The following TASOR2 variants were observed in gnomAD, a reference collection of about 807,000 sequenced individuals.
TASOR2 encodes the protein protein TASOR 2.
TASOR2 carries 84 observed loss-of-function variants against 199.5 expected under a neutral mutation model. The ratio of observed to expected loss-of-function variants is 0.42; its 90% CI spans 0.35 to 0.50. TASOR2 has a LOEUF of 0.50. Ranked by LOEUF, TASOR2 falls within the 20% of genes least tolerant of loss-of-function variation. TASOR2 has a pLI of 0.02. For synonymous variants in TASOR2, 1,103 were observed against 1,046.6 expected, an observed-to-expected ratio of 1.05 and a Z score of -1.04; for missense variants, 2,796 against 2,835.9, an observed-to-expected ratio of 0.99 and a Z score of 0.32.
rs1183983010 is a variant in TASOR2, at chr10:5,723,043, C to CTTTTTTTT, written c.147-615_147-608dup. Among the ~76,000 whole-genome samples the CTTTTTTTT allele has an allele frequency of 4.1e-5, 3 of 72,896 alleles. 1 individual carries two copies. Among genetic ancestry groups the CTTTTTTTT allele is most frequent in the Admixed American group, 2.2e-4 (1 of 4,630 alleles). 47.8% of individuals were successfully genotyped at this position (72,896 alleles called of 152,430 possible). On this transcript the variant is annotated intron_variant, in intron 6 of 20. Coordinates refer to ENST00000328090, the Ensembl canonical transcript of TASOR2. ...AAAGGAAAAAGTAGTCAGGAAATAACTTTTTTTTTTTTTTTTTTTTTTTTT... is the reference window on the plus strand; with the variant it reads ...AAAGGAAAAAGTAGTCAGGAAATAACTTTTTTTTTTTTTTTTTTTTTTTTTTTTTTTTT...
rs1588867707 is a variant in TASOR2 at position 5,746,061 on chromosome 10, A to C, written c.2758-118A>C. On this transcript the variant is annotated intron_variant, in intron 14 of 20. Coordinates refer to ENST00000328090, the Ensembl canonical transcript of TASOR2. Reference sequence around the variant, plus strand: ...TATTCTTTTAGCTAGAAAATTCAGAAGAACATTCACAAACTAAAATTAATT... The same window carrying C: ...TATTCTTTTAGCTAGAAAATTCAGACGAACATTCACAAACTAAAATTAATT... The C allele has an allele frequency of 2.6e-6, 3 of 1,176,424 alleles. No individual in the cohort carries two copies. The East Asian group carries it at 7.9e-5, about 31-fold the overall frequency. The allele number at this position is 1,176,424 out of a possible 1,614,324, so 72.9% of individuals were successfully genotyped here.
rs1837794417 is a variant in TASOR2, at chr10:5,701,177, G to C, written c.-287-11646G>C. On this transcript the variant is annotated intron_variant, in intron 1 of 20. Coordinates refer to ENST00000328090, the Ensembl canonical transcript of TASOR2. This position sits in a 1 kb window ranked among gnomAD's most constrained non-coding sequence, Gnocchi z 4.9. ...TTGATTTGAATTTTGTATATGGTCAGATTGTTTTGTTCTTCTGCATGTAGT... is the reference window on the plus strand; with the variant it reads ...TTGATTTGAATTTTGTATATGGTCACATTGTTTTGTTCTTCTGCATGTAGT... Among the ~76,000 whole-genome samples, 1 of 152,162 alleles carries C rather than the reference G, an allele frequency of 6.6e-6. No individual in the cohort carries two copies. The highest frequency in any genetic ancestry group is 2.4e-5 in the African/African-American group (1 of 41,538).
chr10:5,715,904 G>A (rs1832565934), intron 2 of TASOR2, among the ~76,000 whole-genome samples: 1 of 152,128 alleles, frequency 6.6e-6, no homozygotes, highest in Admixed American at 6.5e-5. Flanking sequence ...GCCTCCCAAA[G>A]TGCTGGGATT....
In TASOR2 at chr10:5,748,357, T is replaced by A; in HGVS notation, c.4936T>A (p.Ser1646Thr). The A allele has an allele frequency of 6.2e-7, 1 of 1,614,224 alleles. No homozygotes were observed. The highest frequency in any genetic ancestry group is 1.3e-5 in the African/African-American group (1 of 75,062). The change falls in exon 15 of 21, where the codon TCT (serine) becomes ACT (threonine). Residue 1646 changes from serine (S) to threonine (T), a missense_variant. Coordinates refer to ENST00000328090, the Ensembl canonical transcript of TASOR2. This position sits in a 1 kb window ranked among gnomAD's most constrained non-coding sequence, Gnocchi z 5.1. ...AGCTGCCTCGGTTGATGGAGCTTAT[T>A]CTACACAGGGATGCATGTGCTCAGT...
chr10:5,725,346 G>C lies in TASOR2; in HGVS notation c.351+813G>C, dbSNP rs1178326610. Among the ~76,000 whole-genome samples, 3 of 127,944 alleles carry C rather than the reference G, an allele frequency of 2.3e-5. No homozygotes were observed. The East Asian group carries it at 7.2e-4, about 31-fold the overall frequency. The allele number at this position is 127,944 out of a possible 152,430, so 83.9% of individuals were successfully genotyped here. A position where few individuals can be genotyped will look rare whatever the true frequency, so the allele number is the denominator to read the frequency against. On this transcript the variant is annotated intron_variant, in intron 8 of 20. Coordinates refer to ENST00000328090, the Ensembl canonical transcript of TASOR2. ...GCGGAGCTTGCAGTGAGCCTAGATC[G>C]CGCAGCTGCACTCCAGCCTGGGCGA...
intron 2 of TASOR2, among the ~76,000 whole-genome samples, chr10:5,714,886 G>A (rs1832409966): frequency 6.6e-6 from 1 of 152,126 alleles, no homozygotes; most frequent in Non-Finnish European, 1.5e-5. Context: ...AATATAGTTG[G>A]GAAAGGGATC....
At chr10:5,745,395 TTACTC>T (rs1260090959) in intron 14 of TASOR2, among the ~76,000 whole-genome samples, 1 of 152,200 alleles carries the variant, frequency 6.6e-6, no homozygotes, top group African/African-American at 2.4e-5. Context: ...AGTAATTAAT[TTACTC>T]TGTTGCCTCA....
chr10:5,726,117 A>G (rs1419624007), intron 8 of TASOR2, among the ~76,000 whole-genome samples: 1 of 152,206 alleles, frequency 6.6e-6, no homozygotes, highest in Admixed American at 6.5e-5. Context: ...AAATTATTGT[A>G]CTAATATTGG....
rs1316397854 is a variant in TASOR2, at chr10:5,719,202, C to G, written c.-99-1342C>G. On this transcript the variant is annotated intron_variant, in intron 3 of 20. Coordinates refer to ENST00000328090, the Ensembl canonical transcript of TASOR2. This position sits in a 1 kb window ranked among gnomAD's most constrained non-coding sequence, Gnocchi z 4.1. ...TTCTTCTTATAAAAATTAAAATTGC[C>G]TATAGTCCCATATCCCATTTTGATA... is the stretch of plus-strand genomic sequence containing the variant. 6.6e-6 allele frequency among the ~76,000 whole-genome samples: 1 copy of G among 152,092 alleles called. No individual in the cohort carries two copies. The highest frequency in any genetic ancestry group is 2.4e-5 in the African/African-American group (1 of 41,396).
chr10:5,710,795 A>G lies in TASOR2; in HGVS notation c.-287-2028A>G, dbSNP rs1217253066. Among the ~76,000 whole-genome samples the G allele has an allele frequency of 2.0e-5, 3 of 152,130 alleles. No individual in the cohort carries two copies. The highest frequency in any genetic ancestry group is 4.1e-4 in the South Asian group (2 of 4,834). ...CAAATATTGGTCTATAGGTAATTCA[A>G]TTTTGAAACTTTCTTGCTTTTTTAT... is the stretch of plus-strand genomic sequence containing the variant. On this transcript the variant is annotated intron_variant, in intron 1 of 20. Transcript: ENST00000328090. This position sits in a 1 kb window ranked among gnomAD's most constrained non-coding sequence, Gnocchi z 4.6.
chr10:5,720,940 C>T lies in TASOR2; in HGVS notation c.116C>T (p.Ser39Phe). ...ATGCTATGTGATATAGCTCTTTGGTCCACTTACGGTGCAATGATTCCAACA... is the reference window on the plus strand; with the variant it reads ...ATGCTATGTGATATAGCTCTTTGGTTCACTTACGGTGCAATGATTCCAACA... The change falls in exon 6 of 21, where the codon TCC (serine) becomes TTC (phenylalanine). Residue 39 changes from serine (S) to phenylalanine (F), a missense_variant. Physicochemically the swap from Ser to Phe is radical, Grantham distance 155 (BLOSUM62 -2). This residue lies in a region of TASOR2 where 847 missense variants were observed against 887.4 expected (regional missense o/e 0.95). Coordinates refer to ENST00000328090, the Ensembl canonical transcript of TASOR2. The surrounding 1 kb of genome is among the most constrained non-coding windows in gnomAD (Gnocchi z 5.3). 6.2e-7 allele frequency: 1 copy of T among 1,613,112 alleles called. No individual in the cohort carries two copies. Among genetic ancestry groups the T allele is most frequent in the East Asian group, 2.2e-5 (1 of 44,832 alleles).
intron 1 of TASOR2, among the ~76,000 whole-genome samples, chr10:5,693,266 T>TGTGCC (rs759589450): frequency 6.6e-6 from 1 of 152,218 alleles, no homozygotes; most frequent in Non-Finnish European, 1.5e-5. Flanking sequence ...TAGTTGTGTG[T>TGTGCC]GTGCCTATGT....
rs1177682554 is a variant in TASOR2 at position 5,722,065 on chromosome 10, C to T, written c.146+1095C>T. Among the ~76,000 whole-genome samples, 3 of 152,110 alleles carry T rather than the reference C, an allele frequency of 2.0e-5. No individual in the cohort carries two copies. The highest frequency in any genetic ancestry group is 4.8e-5 in the African/African-American group (2 of 41,412). On this transcript the variant is annotated intron_variant, in intron 6 of 20. Coordinates refer to ENST00000328090, the Ensembl canonical transcript of TASOR2. This position sits in a 1 kb window ranked among gnomAD's most constrained non-coding sequence, Gnocchi z 4.0. Reference sequence around the variant, plus strand: ...TTTTTTGTGAAGGAACTTAGTGAGACAGTTGGCAGCATTTGAATAAGATGT... The same window carrying T: ...TTTTTTGTGAAGGAACTTAGTGAGATAGTTGGCAGCATTTGAATAAGATGT...
intron 10 of TASOR2, among the ~76,000 whole-genome samples, chr10:5,728,808 G>T (rs1301986728): frequency 6.6e-6 from 1 of 152,082 alleles, no homozygotes; most frequent in Non-Finnish European, 1.5e-5. Context: ...CATAAAATAA[G>T]TACTCCTATA....
chr10:5,711,487 G>A (rs778270992), intron 1 of TASOR2, among the ~76,000 whole-genome samples: 20 of 152,060 alleles, frequency 1.3e-4, no homozygotes, highest in Admixed American at 3.3e-4. Flanking sequence ...TACTAGGTTT[G>A]TAAAACCCCC....
chr10:5,728,618 TAAAAAA>T (rs890855834), intron 10 of TASOR2, among the ~76,000 whole-genome samples: 1 of 144,822 alleles, frequency 6.9e-6, no homozygotes. Flanking sequence ...TCAAAAAAAT[TAAAAAA>T]AAAAACAAAA....
Position 5,736,643 on chromosome 10 carries a change from C to T in TASOR2, c.1447+1097C>T, listed in dbSNP as rs375062442. Among the ~76,000 whole-genome samples the T allele has an allele frequency of 5.3e-5, 8 of 152,286 alleles. No homozygotes were observed. The East Asian group carries it at 1.5e-3, about 29-fold the overall frequency. On this transcript the variant is annotated intron_variant, in intron 12 of 20. Coordinates refer to ENST00000328090, the Ensembl canonical transcript of TASOR2. ...GCTTAAGTAAAGAATCAAGTTTAGT[C>T]ACATGAACTGCTCCAGTTTTGTATT...
intron 8 of TASOR2, 125 bp downstream of exon 9, chr10:5,724,658 GATAT>G (rs1833818839): frequency 5.4e-6 from 1 of 185,686 alleles, no homozygotes; most frequent in East Asian, 1.5e-4. Context: ...GATAGATATA[GATAT>G]AGATATATAG....
In TASOR2 at chr10:5,730,797, C is replaced by T. The variant is rs762752242; in HGVS notation, c.798C>T (p.Asp266=). Residue 266 remains aspartate, a synonymous_variant, in exon 11 of 21, where the codon GAC becomes GAT. Transcript: ENST00000328090. This position sits in a 1 kb window ranked among gnomAD's most constrained non-coding sequence, Gnocchi z 4.1. ...CTCAGTTGAACTCTTATTTTTCAGA[C>T]CCTAGTGCTTACATTTTGGAAGTGT... 1.2e-6 allele frequency: 2 copies of T among 1,614,142 alleles called. No homozygotes were observed. Among genetic ancestry groups the T allele is most frequent in the Non-Finnish European group, 1.7e-6 (2 of 1,180,032 alleles).
Sources: gnomAD v4.1 joint callset for allele counts (sites outside exome capture counted in the v4.1 genomes callset) on GRCh38, gnomAD v4.1.1 for gene constraint, gnomAD v4.1.1 regional missense constraint, Gnocchi (gnomAD v3.1) non-coding constraint, MANE v1.5 for transcripts, NCBI Gene and HGNC (gene_info 2026-07-23, HGNC 2026-07-21) for gene names.